The following HNRNPUL1 variants were observed in gnomAD, a reference collection of about 807,000 sequenced individuals.
HNRNPUL1 encodes the protein heterogeneous nuclear ribonucleoprotein U-like protein 1.
A neutral mutation model predicts 108.5 loss-of-function variants in HNRNPUL1; 14 were observed. That is an observed-to-expected ratio of 0.13 (90% CI 0.09 to 0.20). HNRNPUL1 has a LOEUF of 0.20. Among genes scored for constraint, HNRNPUL1 ranks in the 10% least tolerant of loss-of-function variants. The pLI is 1.00. For missense variants in HNRNPUL1, 804 were observed against 1,168.3 expected (o/e 0.69, Z 4.55); for synonymous variants, 422 against 445.2 (o/e 0.95, Z 0.66).
chr19:41,277,685 T>G (rs1318300048), intron 5 of HNRNPUL1, among the ~76,000 whole-genome samples: 1 of 152,066 alleles, frequency 6.6e-6, no homozygotes, highest in Non-Finnish European at 1.5e-5. Context: ...TTTTGTATTT[T>G]TAGTAGAGAT....
chr19:41,282,918 TCTC>T (rs2035989720), intron 7 of HNRNPUL1, among the ~76,000 whole-genome samples: 2 of 151,682 alleles, frequency 1.3e-5, no homozygotes, highest in African/African-American at 4.8e-5. Flanking sequence ...ATGGTCTCGA[TCTC>T]CTGACCTCGT....
chr19:41,274,952 A>G (rs913324485), intron 4 of HNRNPUL1, among the ~76,000 whole-genome samples: 1 of 152,174 alleles, frequency 6.6e-6, no homozygotes, highest in Non-Finnish European at 1.5e-5. Context: ...ATGAAATGCA[A>G]ATGTACAGAT....
At chr19:41,268,687 G>A (rs1201497456) in intron 2 of HNRNPUL1, among the ~76,000 whole-genome samples, 3 of 152,006 alleles carry the variant, frequency 2.0e-5, no homozygotes, top group Admixed American at 6.6e-5. Context: ...GGTGAAACCC[G>A]TCTCTACTAA....
Position 41,292,178 on chromosome 19 carries a change from C to T in HNRNPUL1, c.1000-67C>T, listed in dbSNP as rs964707000. On this transcript the variant is annotated intron_variant, in intron 7 of 14. Transcript: ENST00000392006. This position sits in a 1 kb window ranked among gnomAD's most constrained non-coding sequence, Gnocchi z 4.1. ...CATTCTACTCCCTGCATCTACTGTC[C>T]TCACATTTGACTCCCAGTGCCTATG... 3.9e-6 allele frequency: 6 copies of T among 1,535,124 alleles called. No homozygotes were observed. Among genetic ancestry groups the T allele is most frequent in the Middle Eastern group, 3.4e-4 (2 of 5,852 alleles).
chr19:41,277,021 C>G, intron 5 of HNRNPUL1, among the ~76,000 whole-genome samples: 1 of 149,360 alleles, frequency 6.7e-6, no homozygotes, highest in Non-Finnish European at 1.5e-5. Flanking sequence ...TGCTTGAACC[C>G]AAGAGGCAGA....
At position 41,292,813 on chromosome 19, in the gene HNRNPUL1, C is replaced by T. The variant is rs900576794; in HGVS notation, c.1266+302C>T. 9.9e-5 allele frequency among the ~76,000 whole-genome samples: 15 copies of T among 152,110 alleles called. No individual in the cohort carries two copies. Among genetic ancestry groups the T allele is most frequent in the East Asian group, 3.9e-4 (2 of 5,190 alleles). ...TCTTACAGCAGAAAAGGACACTAGG[C>T]GCTTCTTGGGGAGTGCACTGTGCCA... On this transcript the variant is annotated intron_variant, in intron 8 of 14. Transcript: ENST00000392006. This position sits in a 1 kb window ranked among gnomAD's most constrained non-coding sequence, Gnocchi z 4.1.
intron 13 of HNRNPUL1, among the ~76,000 whole-genome samples, chr19:41,305,291 C>T (rs1465785883): frequency 6.6e-6 from 1 of 152,220 alleles, no homozygotes; most frequent in Admixed American, 6.5e-5. Context: ...CAACTACCAC[C>T]ACCTGTTGAG....
chr19:41,294,596 C>G lies in HNRNPUL1; in HGVS notation c.1428C>G (p.Arg476=). The change falls in exon 10 of 15, where the codon CGC becomes CGG. Residue 476 remains arginine, a synonymous_variant. Transcript: ENST00000392006. This position sits in a 1 kb window ranked among gnomAD's most constrained non-coding sequence, Gnocchi z 4.3. ...GLRRQRNYAG[R]WDVLIQQATQ... ...GCCGGCAGCGGAACTATGCTGGCCG[C>G]TGGGATGTCCTGATCCAGCAGGCCA... The G allele has an allele frequency of 6.2e-7, 1 of 1,614,206 alleles. No homozygotes were observed. The highest frequency in any genetic ancestry group is 8.5e-7 in the Non-Finnish European group (1 of 1,180,046).
At chr19:41,273,802 G>A (rs1366818513) in intron 3 of HNRNPUL1, among the ~76,000 whole-genome samples, 180 bp from the exon 4 acceptor site, 1 of 152,200 alleles carries the variant, frequency 6.6e-6, no homozygotes, top group Non-Finnish European at 1.5e-5. Flanking sequence ...GGAGTTGACG[G>A]TCATTGCTCT....
chr19:41,270,643 T>C (rs1440519748), intron 2 of HNRNPUL1, among the ~76,000 whole-genome samples: 1 of 143,188 alleles, frequency 7.0e-6, no homozygotes, highest in African/African-American at 2.7e-5. Flanking sequence ...TTGCCCAGGC[T>C]GGAGTACAAT....
intron 4 of HNRNPUL1, 149 bp downstream of exon 4, chr19:41,274,204 C>T: frequency 1.5e-6 from 1 of 688,960 alleles, no homozygotes; most frequent in Non-Finnish European, 2.5e-6. Context: ...AGCAAGAGTA[C>T]TGGTTTGGAG....
chr19:41,267,548 G>C (rs1599760304), intron 1 of HNRNPUL1, among the ~76,000 whole-genome samples: 1 of 152,334 alleles, frequency 6.6e-6, no homozygotes, highest in East Asian at 1.9e-4. Flanking sequence ...CACATGACCT[G>C]TGACTTTCCT....
At chr19:41,300,354 C>T (rs563768974) in intron 10 of HNRNPUL1, among the ~76,000 whole-genome samples, 5 of 152,100 alleles carry the variant, frequency 3.3e-5, no homozygotes, top group Non-Finnish European at 7.4e-5. Flanking sequence ...GTATATACCC[C>T]TTTACAGACT....
intron 2 of HNRNPUL1, 64 bp from the exon 3 acceptor site, chr19:41,272,018 C>A: frequency 6.4e-7 from 1 of 1,564,630 alleles, no homozygotes; most frequent in Non-Finnish European, 8.7e-7. Flanking sequence ...GGAAAAGGGA[C>A]CAGAAAAGTG....
chr19:41,282,301 G>T (rs907593853), intron 7 of HNRNPUL1, among the ~76,000 whole-genome samples: 1 of 152,124 alleles, frequency 6.6e-6, no homozygotes, highest in South Asian at 2.1e-4. Flanking sequence ...TCCTGCCTCA[G>T]CCCCCTGAGT....
intron 7 of HNRNPUL1, among the ~76,000 whole-genome samples, chr19:41,287,483 C>T (rs1201328215): frequency 6.6e-6 from 1 of 152,130 alleles, no homozygotes; most frequent in Non-Finnish European, 1.5e-5. Flanking sequence ...ATATTGCATT[C>T]TCTTGCCATG....
chr19:41,292,541 A>G lies in HNRNPUL1; in HGVS notation c.1266+30A>G. On this transcript the variant is annotated intron_variant, in intron 8 of 14. Coordinates refer to ENST00000392006, the MANE Select transcript of HNRNPUL1 (RefSeq NM_007040.6). This position sits in a 1 kb window ranked among gnomAD's most constrained non-coding sequence, Gnocchi z 4.1. The stretch of plus-strand genomic sequence containing the variant: ...GTGGGGCCAGAATGTATTGGTGGCC[A>G]CCTTGCTGCCAAGACAGAGGAGACA... 3 of 1,595,028 alleles carry G rather than the reference A, an allele frequency of 1.9e-6. No individual in the cohort carries two copies. The highest frequency in any genetic ancestry group is 1.7e-5 in the Admixed American group (1 of 59,714).
intron 10 of HNRNPUL1, among the ~76,000 whole-genome samples, chr19:41,299,317 A>G (rs929048300): frequency 1.3e-5 from 2 of 152,172 alleles, no homozygotes; most frequent in Admixed American, 6.5e-5. Context: ...TTTCAGGGCC[A>G]GAGGATCTGG....
In HNRNPUL1 at chr19:41,281,208, C is replaced by T. The variant is rs774052802; in HGVS notation, c.932C>T (p.Ser311Phe). The T allele has an allele frequency of 6.2e-7, 1 of 1,614,128 alleles. No homozygotes were observed. Among genetic ancestry groups the T allele is most frequent in the Non-Finnish European group, 8.5e-7 (1 of 1,179,990 alleles). Residue 311 changes from serine to phenylalanine, a missense_variant, in exon 7 of 15, where the codon TCC (serine) becomes TTC (phenylalanine). Coordinates refer to ENST00000392006, the MANE Select transcript of HNRNPUL1 (RefSeq NM_007040.6). ...GGCTATGGAGGCACTGGGAAGAAGT[C>T]CACCAATAGCCGGTTTGAAAACTAC... ...SYGYGGTGKKSTNSRFENYGD... is the reference protein window; with the variant it reads ...SYGYGGTGKKFTNSRFENYGD...
Sources: allele counts gnomAD v4.1 joint callset (sites outside exome capture counted in the v4.1 genomes callset), GRCh38; gene constraint gnomAD v4.1.1; non-coding constraint Gnocchi (gnomAD v3.1); transcripts MANE v1.5; gene names NCBI Gene and HGNC (gene_info 2026-07-23, HGNC 2026-07-21).